Variants in SLC4A4 observed in about 807,000 individuals in gnomAD.
The protein encoded by SLC4A4 is solute carrier family 4 member 4.
SLC4A4 carries 27 observed loss-of-function variants against 111.5 expected under a neutral mutation model. The observed-to-expected ratio is 0.24, with a 90% CI of 0.18 to 0.33. The LOEUF (loss-of-function observed/expected upper bound fraction) is 0.33. Ranked by LOEUF, SLC4A4 falls within the 10% of genes least tolerant of loss-of-function variation. The pLI is 1.00. For synonymous variants in SLC4A4, 443 were observed against 463.4 expected (o/e 0.96, Z 0.57); for missense variants, 909 against 1,315.5 (o/e 0.69, Z 4.78).
chr4:71,209,219 G>C (rs1328195270), intron 1 of SLC4A4, among the ~76,000 whole-genome samples: 1 of 152,156 alleles, frequency 6.6e-6, no homozygotes, highest in South Asian at 2.1e-4. Context: ...ATTGGCTACA[G>C]TGTATTATGT....
At chr4:71,364,538 C>T (rs1731071956) in intron 6 of SLC4A4, among the ~76,000 whole-genome samples, 1 of 152,094 alleles carries the variant, frequency 6.6e-6, no homozygotes, top group Non-Finnish European at 1.5e-5. Context: ...CTGGTGAGAG[C>T]CCTTTCCTCA....
intron 1 of SLC4A4, among the ~76,000 whole-genome samples, chr4:71,192,646 C>T (rs1745783299): frequency 1.3e-5 from 2 of 152,154 alleles, no homozygotes; most frequent in Non-Finnish European, 1.5e-5. Context: ...CCCTCCCCCA[C>T]TTTCTCAGCT....
intron 2 of SLC4A4, among the ~76,000 whole-genome samples, chr4:71,175,637 G>T (rs536607236): frequency 6.6e-6 from 1 of 152,206 alleles, no homozygotes. Context: ...GGGGAGGGGC[G>T]TCTGCCATTG....
chr4:71,410,951 C>T (rs1721311131), intron 7 of SLC4A4, among the ~76,000 whole-genome samples: 1 of 152,084 alleles, frequency 6.6e-6, no homozygotes, highest in South Asian at 2.1e-4. Flanking sequence ...ATTTTTTAAG[C>T]TGAGACCATA....
At chr4:71,464,728 T>C (rs1193400981) in intron 12 of SLC4A4, among the ~76,000 whole-genome samples, 2 of 152,126 alleles carry the variant, frequency 1.3e-5, no homozygotes, top group Admixed American at 1.3e-4. Context: ...TAAAGGATTT[T>C]TGTTTGTTTT....
At chr4:71,121,546 G>C (rs949868542) in intron 2 of SLC4A4, among the ~76,000 whole-genome samples, 2 of 152,216 alleles carry the variant, frequency 1.3e-5, no homozygotes, top group African/African-American at 2.4e-5. Context: ...TCAGCACTCT[G>C]TATCTAGCTA....
At chr4:71,492,173 T>G (rs1011049993) in intron 15 of SLC4A4, among the ~76,000 whole-genome samples, 4 of 151,616 alleles carry the variant, frequency 2.6e-5, no homozygotes, top group African/African-American at 9.7e-5. Context: ...ATTCCTACTT[T>G]TAAAAGTATT....
chr4:71,463,052 C>G (rs571723297), intron 12 of SLC4A4, among the ~76,000 whole-genome samples: 1 of 152,312 alleles, frequency 6.6e-6, no homozygotes, highest in East Asian at 1.9e-4. Flanking sequence ...CTCCAGATTT[C>G]TGACTGCCAG....
intron 16 of SLC4A4, among the ~76,000 whole-genome samples, chr4:71,513,506 A>G (rs1404003635): frequency 2.0e-5 from 3 of 152,166 alleles, no homozygotes; most frequent in Non-Finnish European, 2.9e-5. Flanking sequence ...AATTTTTTTA[A>G]TCAAATCTAA....
chr4:71,062,819 T>C (rs532189104), intron 1 of SLC4A4, among the ~76,000 whole-genome samples: 1 of 152,332 alleles, frequency 6.6e-6, no homozygotes, highest in East Asian at 1.9e-4. Context: ...TTTCTTTTAG[T>C]GTGGTAGGCA....
At chr4:71,323,041 G>C (rs1013335563) in intron 3 of SLC4A4, among the ~76,000 whole-genome samples, 5 of 151,886 alleles carry the variant, frequency 3.3e-5, no homozygotes, top group African/African-American at 9.7e-5. Flanking sequence ...GATTATGTTT[G>C]TGTTGAACAT....
intron 14 of SLC4A4, among the ~76,000 whole-genome samples, chr4:71,481,886 C>G (rs940549394): frequency 1.3e-5 from 2 of 149,750 alleles, no homozygotes; most frequent in Non-Finnish European, 3.0e-5. Context: ...AGAGATTGTC[C>G]CAGTGGTAAT....
At chr4:71,514,595 A>G (rs1732212906) in intron 16 of SLC4A4, among the ~76,000 whole-genome samples, 1 of 152,192 alleles carries the variant, frequency 6.6e-6, no homozygotes. Context: ...TGTTTTTGGT[A>G]GAACTCCACA....
intron 6 of SLC4A4, among the ~76,000 whole-genome samples, chr4:71,391,610 G>A (rs1412254837): frequency 1.3e-5 from 2 of 152,030 alleles, no homozygotes; most frequent in African/African-American, 4.8e-5. Flanking sequence ...TTGATTGTGT[G>A]AAACTGCTTG....
chr4:71,541,770 AAG>A (rs1333733976), intron 18 of SLC4A4, among the ~76,000 whole-genome samples: 2 of 151,860 alleles, frequency 1.3e-5, no homozygotes, highest in African/African-American at 4.8e-5. Context: ...GGTGGGTGGG[AAG>A]AGGCTGCTGC....
intron 7 of SLC4A4, among the ~76,000 whole-genome samples, chr4:71,414,333 A>G (rs561320928): frequency 1.3e-5 from 2 of 152,314 alleles, no homozygotes; most frequent in East Asian, 3.9e-4. Flanking sequence ...CTGAGCTTTG[A>G]ATGGTGCCAA....
At chr4:71,235,802 G>A (rs1427753894) in intron 1 of SLC4A4, among the ~76,000 whole-genome samples, 1 of 152,208 alleles carries the variant, frequency 6.6e-6, no homozygotes, top group Non-Finnish European at 1.5e-5. Flanking sequence ...ACAGCATAAT[G>A]TGGTTACAAA....
chr4:71,375,614 T>G (rs1414752349), intron 6 of SLC4A4, among the ~76,000 whole-genome samples: 1 of 152,214 alleles, frequency 6.6e-6, no homozygotes, highest in African/African-American at 2.4e-5. Context: ...TACTTTGCAC[T>G]ATAATGTATG....
intron 7 of SLC4A4, among the ~76,000 whole-genome samples, chr4:71,424,898 A>G (rs187456299): frequency 6.6e-6 from 1 of 151,992 alleles, no homozygotes; most frequent in African/African-American, 2.4e-5. Flanking sequence ...CTAGATGACG[A>G]GTTAGTGGGT....
Sources: gnomAD v4.1 joint callset for allele counts (sites outside exome capture counted in the v4.1 genomes callset) on GRCh38, gnomAD v4.1.1 for gene constraint, MANE v1.5 for transcripts, NCBI Gene and HGNC (gene_info 2026-07-23, HGNC 2026-07-21) for gene names.